The following EEIG1 variants were observed in gnomAD, a reference collection of about 807,000 sequenced individuals.
The protein encoded by EEIG1 is estrogen-induced osteoclastogenesis regulator 1, also known as early estrogen-induced gene 1 protein.
At chr9:127,964,420 C>T in the EEIG1 span, among the ~76,000 whole-genome samples, 61 of 152,202 alleles carry the variant, frequency 4.0e-4, no homozygotes, top group African/African-American at 1.4e-3. Flanking sequence ...ACCAGGGTGA[C>T]GTGGGGCCAG....
the EEIG1 span, chr9:127,944,453 G>A: frequency 1.6e-6 from 1 of 639,552 alleles, no homozygotes; most frequent in Non-Finnish European, 2.8e-6. Flanking sequence ...TGTCCACACA[G>A]CCTGACAGAT....
chr9:127,944,975 G>A, the EEIG1 span: 2 of 1,524,280 alleles, frequency 1.3e-6, no homozygotes, highest in Admixed American at 3.6e-5. Context: ...CGACAATAAT[G>A]CCAGTCAGCC....
the EEIG1 span, chr9:127,945,381 G>A: frequency 4.5e-4 from 713 of 1,586,458 alleles, 4 homozygotes; most frequent in South Asian, 4.7e-3. The surrounding 1 kb of genome is among the most constrained non-coding windows in gnomAD (Gnocchi z 6.5). Context: ...AAGAGCGATC[G>A]GACAGATGCA....
chr9:127,950,331 T>A, the EEIG1 span: 1 of 1,360,734 alleles, frequency 7.3e-7, no homozygotes, highest in Non-Finnish European at 1.0e-6. Flanking sequence ...GGCCTGTATT[T>A]TTAACAACCC....
chr9:127,945,659 G>A, the EEIG1 span: 2 of 1,591,350 alleles, frequency 1.3e-6, no homozygotes, highest in Non-Finnish European at 1.7e-6. This position sits in a 1 kb window ranked among gnomAD's most constrained non-coding sequence, Gnocchi z 6.5. Context: ...CGGAGATCTT[G>A]GACTGCTGGC....
At chr9:127,965,123 A>C in the EEIG1 span, among the ~76,000 whole-genome samples, 2 of 13,924 alleles carry the variant, frequency 1.4e-4, no homozygotes, top group Non-Finnish European at 7.0e-4. Context: ...AAAAAAAAAA[A>C]AAAAAAAAAA....
At chr9:127,979,040 G>T in the EEIG1 span, among the ~76,000 whole-genome samples, 2 of 152,136 alleles carry the variant, frequency 1.3e-5, no homozygotes, top group African/African-American at 2.4e-5. Flanking sequence ...AAAAAATAGA[G>T]ACAGGAATCT....
chr9:127,976,934 A>G, the EEIG1 span, among the ~76,000 whole-genome samples: 4 of 143,750 alleles, frequency 2.8e-5, no homozygotes, highest in African/African-American at 1.0e-4. The surrounding 1 kb of genome is among the most constrained non-coding windows in gnomAD (Gnocchi z 4.1). Context: ...CCTGGAAACA[A>G]TGGGGCCTTT....
chr9:127,944,468 A>G, the EEIG1 span: 12 of 653,876 alleles, frequency 1.8e-5, no homozygotes, highest in South Asian at 2.1e-4. Context: ...ACAGATGGGG[A>G]AAGGGAGGTT....
At chr9:127,963,377 G>A in the EEIG1 span, among the ~76,000 whole-genome samples, 70 of 152,350 alleles carry the variant, frequency 4.6e-4, no homozygotes, top group East Asian at 1.7e-3. Context: ...CGGCCCTCCC[G>A]GGCCTGGGGT....
chr9:127,977,380 G>A, the EEIG1 span, among the ~76,000 whole-genome samples: 1 of 152,260 alleles, frequency 6.6e-6, no homozygotes, highest in East Asian at 1.9e-4. Flanking sequence ...TAATGGGGAA[G>A]CAGGTTTGGG....
the EEIG1 span, chr9:127,942,925 G>A: frequency 2.0e-6 from 1 of 512,786 alleles, no homozygotes. Context: ...AAGCTGCACG[G>A]GCCCGCCTGG....
the EEIG1 span, among the ~76,000 whole-genome samples, chr9:127,971,604 A>T: frequency 6.6e-6 from 1 of 152,144 alleles, no homozygotes; most frequent in Non-Finnish European, 1.5e-5. Context: ...ACCAGCACTC[A>T]CACTGGTTCA....
At chr9:127,950,654 G>A in the EEIG1 span, 9 of 1,500,018 alleles carry the variant, frequency 6.0e-6, no homozygotes, top group East Asian at 2.1e-4. Flanking sequence ...AAGCCCCTGG[G>A]CCAGCCCCAC....
chr9:127,977,850 T>C, the EEIG1 span, among the ~76,000 whole-genome samples: 4 of 152,170 alleles, frequency 2.6e-5, no homozygotes, highest in Admixed American at 2.6e-4. Context: ...CCTCCACTCC[T>C]GCTCCATGAC....
At chr9:127,951,724 G>A in the EEIG1 span, among the ~76,000 whole-genome samples, 1 of 151,704 alleles carries the variant, frequency 6.6e-6, no homozygotes, top group African/African-American at 2.4e-5. Flanking sequence ...GGCTGAGGCA[G>A]GAGAATGGCG....
chr9:127,974,513 G>C, the EEIG1 span, among the ~76,000 whole-genome samples: 1,584 of 152,322 alleles, frequency 0.01, 26 homozygotes, highest in African/African-American at 0.035. Flanking sequence ...CTCCCAGGAA[G>C]GGTCACTTCT....
chr9:127,945,540 G>A, the EEIG1 span: 1 of 1,564,714 alleles, frequency 6.4e-7, no homozygotes, highest in East Asian at 2.4e-5. The surrounding 1 kb of genome is among the most constrained non-coding windows in gnomAD (Gnocchi z 6.5). Context: ...GGCTGGAGGA[G>A]CGCGAGTGCT....
the EEIG1 span, chr9:127,944,594 C>A: frequency 6.3e-7 from 1 of 1,597,580 alleles, no homozygotes; most frequent in Non-Finnish European, 8.6e-7. Flanking sequence ...CCCCGACGAC[C>A]CCTCCCTAAG....
Sources: gnomAD v4.1 joint callset for allele counts (sites outside exome capture counted in the v4.1 genomes callset) on GRCh38, gnomAD v4.1.1 for gene constraint, Gnocchi (gnomAD v3.1) non-coding constraint, MANE v1.5 for transcripts, NCBI Gene and HGNC (gene_info 2026-07-23, HGNC 2026-07-21) for gene names.